Variants in RAD51B observed in about 807,000 individuals in gnomAD.
RAD51B encodes the protein RAD51 paralog B, also known as DNA repair protein RAD51 homolog 2.
RAD51B carries 38 observed loss-of-function variants against 42.2 expected under a neutral mutation model. That is an observed-to-expected ratio of 0.90 (90% CI 0.70 to 1.18). RAD51B has a LOEUF of 1.18. Ranked by LOEUF, RAD51B falls within the 50% of genes most tolerant of loss-of-function variation. RAD51B has a pLI of 0.00. For synonymous variants in RAD51B, 154 were observed against 145.2 expected (o/e 1.06, Z -0.43); for missense variants, 373 against 400.7 (o/e 0.93, Z 0.59).
chr14:68,468,419 T>A, intron 10 of RAD51B, 169 bp downstream of exon 10: 1 of 790,230 alleles, frequency 1.3e-6, no homozygotes, highest in Non-Finnish European at 2.2e-6. Context: ...GCGGCAGTTG[T>A]GGCAAGAATT....
rs139667426 is a variant in RAD51B at position 68,577,742 on chromosome 14, T to TCACA, written c.1037-16726_1037-16723dup. 4.3e-3 allele frequency among the ~76,000 whole-genome samples: 648 copies of TCACA among 149,758 alleles called. 5 individuals carry two copies. The highest frequency in any genetic ancestry group is 6.9e-3 in the Middle Eastern group (2 of 290). ...ACATTTGTGTTTATCACCTCTCTCA[T>TCACA]CACACACACACACACACACAGTTAA... On this transcript the variant is annotated intron_variant, in intron 10 of 10. Transcript: ENST00000487270.
At chr14:68,216,260 T>A (rs1054275999) in intron 7 of RAD51B, among the ~76,000 whole-genome samples, 1 of 152,210 alleles carries the variant, frequency 6.6e-6, no homozygotes, top group Non-Finnish European at 1.5e-5. Flanking sequence ...ATTTCTTTAT[T>A]TTAAACTGGA....
At position 68,330,480 on chromosome 14, in the gene RAD51B, A is replaced by G. The variant is rs539989151; in HGVS notation, c.853+38500A>G. 2.6e-5 allele frequency among the ~76,000 whole-genome samples: 4 copies of G among 152,330 alleles called. No homozygotes were observed. In the South Asian group the frequency reaches 8.3e-4, roughly 32 times the overall value. On this transcript the variant is annotated intron_variant, in intron 8 of 10. Transcript: ENST00000471583. ...GTGACATTGGACTAGATGACCTTTA[A>G]GATTTTTCTTCACTAAGATTCTATG...
chr14:68,031,908 T>G (rs2076050482), intron 7 of RAD51B, among the ~76,000 whole-genome samples: 1 of 152,236 alleles, frequency 6.6e-6, no homozygotes, highest in African/African-American at 2.4e-5. Flanking sequence ...ACTTTTTTTC[T>G]TTTCCTAAAA....
intron 7 of RAD51B, among the ~76,000 whole-genome samples, chr14:67,968,242 C>G (rs553093861): frequency 9.7e-4 from 148 of 152,294 alleles, no homozygotes; most frequent in African/African-American, 3.5e-3. Context: ...GCTTCTGGGT[C>G]TGTGATGAGA....
At chr14:68,518,530 C>A (rs928815485) in intron 10 of RAD51B, among the ~76,000 whole-genome samples, 1 of 151,818 alleles carries the variant, frequency 6.6e-6, no homozygotes, top group African/African-American at 2.4e-5. Flanking sequence ...AGCCTTAAGC[C>A]GATGGTGACC....
rs560543865 is a variant in RAD51B at position 68,253,977 on chromosome 14, T to G, written c.757-37907T>G. On this transcript the variant is annotated intron_variant, in intron 7 of 10. Coordinates refer to ENST00000471583, the MANE Select transcript of RAD51B (RefSeq NM_133510.4). ...CTAGTTTTTCAAATAGTTTTATAAT[T>G]AACTCTATTTTGTCTGGATCTTATC... 2.0e-4 allele frequency among the ~76,000 whole-genome samples: 31 copies of G among 152,342 alleles called. No homozygotes were observed. In the South Asian group the frequency reaches 4.6e-3, roughly 22 times the overall value.
At chr14:68,503,150 C>G (rs368765964) in intron 10 of RAD51B, among the ~76,000 whole-genome samples, 2 of 152,280 alleles carry the variant, frequency 1.3e-5, no homozygotes. Flanking sequence ...TGTGCTCTCT[C>G]AAAAGAATAG....
intron 8 of RAD51B, among the ~76,000 whole-genome samples, chr14:68,396,288 C>T (rs2083919897): frequency 6.6e-6 from 1 of 152,184 alleles, no homozygotes; most frequent in African/African-American, 2.4e-5. Context: ...GGTACTATGT[C>T]GTTGTCCCTC....
intron 8 of RAD51B, among the ~76,000 whole-genome samples, chr14:68,381,326 A>G (rs2083473079): frequency 1.3e-5 from 2 of 152,292 alleles, no homozygotes; most frequent in South Asian, 4.2e-4. Flanking sequence ...ACTTAAAGCA[A>G]TATTGGTCTA....
intron 7 of RAD51B, among the ~76,000 whole-genome samples, chr14:68,238,246 G>T (rs1007446304): frequency 3.3e-5 from 5 of 152,086 alleles, no homozygotes; most frequent in African/African-American, 1.2e-4. Context: ...TGGTGATTTT[G>T]ATCAGAAACA....
At chr14:68,585,026 C>T (rs1316637275) in intron 10 of RAD51B, among the ~76,000 whole-genome samples, 1 of 152,174 alleles carries the variant, frequency 6.6e-6, no homozygotes, top group Non-Finnish European at 1.5e-5. Context: ...TGCCTCTCTA[C>T]ATAGAAGTCT....
At chr14:68,066,347 A>G (rs1026170151) in intron 7 of RAD51B, among the ~76,000 whole-genome samples, 2 of 152,088 alleles carry the variant, frequency 1.3e-5, no homozygotes, top group African/African-American at 4.8e-5. Context: ...TTTAGTTTTC[A>G]TTTCTATTTT....
chr14:68,165,031 C>G (rs2078720562), intron 7 of RAD51B, among the ~76,000 whole-genome samples: 2 of 152,148 alleles, frequency 1.3e-5, no homozygotes, highest in African/African-American at 4.8e-5. Flanking sequence ...ACAAAGTAAA[C>G]AAATCTGGTA....
In RAD51B at chr14:68,158,265, A is replaced by C. The variant is rs76903657; in HGVS notation, c.757-133619A>C. 5.9e-3 allele frequency among the ~76,000 whole-genome samples: 897 copies of C among 152,356 alleles called. 7 individuals are homozygous for C. The highest frequency in any genetic ancestry group is 0.021 in the African/African-American group (856 of 41,582). ...GTAAGTGCTGTAAAAATACTCTGTA[A>C]CTTAGTTGGAAGTTGCATCATCCAT... On this transcript the variant is annotated intron_variant, in intron 7 of 10. Transcript: ENST00000471583.
chr14:67,883,528 T>G (rs748740130), intron 5 of RAD51B, among the ~76,000 whole-genome samples: 2 of 152,168 alleles, frequency 1.3e-5, no homozygotes, highest in Non-Finnish European at 2.9e-5. Flanking sequence ...TTGTGTGCTG[T>G]TTCACTGGGT....
At chr14:68,107,720 G>C (rs1044591941) in intron 7 of RAD51B, among the ~76,000 whole-genome samples, 1 of 151,794 alleles carries the variant, frequency 6.6e-6, no homozygotes, top group Non-Finnish European at 1.5e-5. Flanking sequence ...TCACTGGAGA[G>C]TAGTCTCTTC....
At chr14:68,402,751 T>C (rs930616379) in intron 8 of RAD51B, among the ~76,000 whole-genome samples, 2 of 152,106 alleles carry the variant, frequency 1.3e-5, no homozygotes, top group African/African-American at 4.8e-5. Context: ...ACAAGTGAGG[T>C]TCTCGATGAG....
intron 8 of RAD51B, among the ~76,000 whole-genome samples, chr14:68,389,178 A>G (rs1251084042): frequency 1.3e-5 from 2 of 152,204 alleles, no homozygotes; most frequent in Non-Finnish European, 2.9e-5. Flanking sequence ...GTATAGCTCC[A>G]TGAACTTTCT....
Sources: gnomAD v4.1 joint callset for allele counts (sites outside exome capture counted in the v4.1 genomes callset) on GRCh38, gnomAD v4.1.1 for gene constraint, MANE v1.5 for transcripts, NCBI Gene and HGNC (gene_info 2026-07-23, HGNC 2026-07-21) for gene names.